The following DPP10 variants were observed in gnomAD, a reference collection of about 807,000 sequenced individuals.
DPP10 encodes the protein dipeptidyl peptidase like 10, also known as inactive dipeptidyl peptidase 10.
DPP10 carries 33 observed loss-of-function variants against 120.9 expected under a neutral mutation model. The ratio of observed to expected loss-of-function variants is 0.27; its 90% confidence interval spans 0.21 to 0.37. The LOEUF (loss-of-function observed/expected upper bound fraction) is 0.37, where lower values mean the gene tolerates loss of function less well. Ranked by LOEUF, DPP10 falls within the 10% of genes least tolerant of loss-of-function variation. DPP10 has a pLI of 1.00. For missense variants in DPP10, 816 were observed against 942.8 expected (o/e 0.87, Z 1.76); for synonymous variants, 337 against 326.1 (o/e 1.03, Z -0.36).
intron 4 of DPP10, among the ~76,000 whole-genome samples, chr2:115,524,174 A>C (rs1370749910): frequency 6.6e-6 from 1 of 152,108 alleles, no homozygotes; most frequent in Non-Finnish European, 1.5e-5. Context: ...ATTAGCGTAC[A>C]CCCACAGTTA....
chr2:114,678,794 A>G (rs1698831192), intron 1 of DPP10, among the ~76,000 whole-genome samples: 1 of 152,092 alleles, frequency 6.6e-6, no homozygotes, highest in African/African-American at 2.4e-5. Context: ...ACAATATTAA[A>G]ATGGCAATTA....
intron 3 of DPP10, among the ~76,000 whole-genome samples, chr2:115,455,130 A>G (rs1437809148): frequency 1.3e-5 from 2 of 151,812 alleles, no homozygotes; most frequent in Non-Finnish European, 2.9e-5. Flanking sequence ...TGTGTTAAAA[A>G]CTACAAAATG....
At chr2:115,835,560 T>G (rs1000116767) in intron 21 of DPP10, among the ~76,000 whole-genome samples, 1 of 152,150 alleles carries the variant, frequency 6.6e-6, no homozygotes, top group African/African-American at 2.4e-5. Flanking sequence ...ATTCTTCCTG[T>G]GTCTGCAGTT....
At chr2:115,709,345 G>T (rs923525880) in intron 7 of DPP10, among the ~76,000 whole-genome samples, 3 of 152,058 alleles carry the variant, frequency 2.0e-5, no homozygotes, top group African/African-American at 7.2e-5. Context: ...CTAGTGGTGT[G>T]CACGTACTCA....
chr2:115,226,160 G>C (rs189063809), intron 1 of DPP10, among the ~76,000 whole-genome samples: 1 of 152,264 alleles, frequency 6.6e-6, no homozygotes, highest in Admixed American at 6.5e-5. Context: ...TTGTTGTCAT[G>C]ATGATATGTC....
intron 1 of DPP10, among the ~76,000 whole-genome samples, chr2:114,931,741 C>A (rs1388014047): frequency 6.6e-6 from 1 of 152,094 alleles, no homozygotes; most frequent in African/African-American, 2.4e-5. Flanking sequence ...TGTCCTTTGA[C>A]AGTAAGTTAA....
Position 114,508,564 on chromosome 2 carries a change from T to G in DPP10, c.60+65726T>G, listed in dbSNP as rs187102850. ...TGCTATAAACACTTGATTGCAAGCT[T>G]TCGTGTGAACTTACTCTCCTTACAG... is the stretch of plus-strand genomic sequence containing the variant. On this transcript the variant is annotated intron_variant, in intron 1 of 25. Coordinates refer to ENST00000410059, the MANE Select transcript of DPP10 (RefSeq NM_020868.6). Among the ~76,000 whole-genome samples, 8 of 152,330 alleles carry G rather than the reference T, an allele frequency of 5.3e-5. No homozygotes were observed. The East Asian group carries it at 1.5e-3, about 29-fold the overall frequency.
At chr2:115,189,064 A>T (rs2054671983) in intron 1 of DPP10, among the ~76,000 whole-genome samples, 1 of 152,108 alleles carries the variant, frequency 6.6e-6, no homozygotes, top group East Asian at 1.9e-4. Context: ...TTTATGATGG[A>T]ATTGTTATAA....
chr2:114,629,621 CA>C (rs1033508000), intron 1 of DPP10, among the ~76,000 whole-genome samples: 3 of 151,962 alleles, frequency 2.0e-5, no homozygotes, highest in Non-Finnish European at 2.9e-5. Flanking sequence ...GGCAAAAGGG[CA>C]AAAATGATGC....
intron 1 of DPP10, among the ~76,000 whole-genome samples, chr2:114,640,656 G>A (rs975240048): frequency 3.3e-5 from 5 of 151,896 alleles, no homozygotes; most frequent in South Asian, 2.1e-4. Flanking sequence ...GCTGTTCCTC[G>A]ACATCATGGA....
chr2:115,711,265 C>T (rs766958597), intron 7 of DPP10, among the ~76,000 whole-genome samples: 3 of 151,688 alleles, frequency 2.0e-5, no homozygotes, highest in Non-Finnish European at 4.4e-5. Flanking sequence ...AGAGACCTTA[C>T]AAAAGAAAAA....
chr2:115,345,356 TAAAA>T (rs1284599132), intron 3 of DPP10, among the ~76,000 whole-genome samples: 1 of 152,136 alleles, frequency 6.6e-6, no homozygotes, highest in Non-Finnish European at 1.5e-5. Flanking sequence ...AGAAGGCTAA[TAAAA>T]AAGATATATT....
intron 3 of DPP10, among the ~76,000 whole-genome samples, chr2:115,389,656 C>A (rs1232469411): frequency 6.6e-6 from 1 of 152,066 alleles, no homozygotes; most frequent in Non-Finnish European, 1.5e-5. Flanking sequence ...TAGAGTAATG[C>A]CCATGAATTA....
intron 1 of DPP10, among the ~76,000 whole-genome samples, chr2:114,606,339 C>A (rs952072720): frequency 6.6e-6 from 1 of 152,074 alleles, no homozygotes; most frequent in Non-Finnish European, 1.5e-5. Context: ...GAAGATCTTT[C>A]CAGCCCTTTC....
At chr2:115,197,890 C>T (rs1174333092) in intron 1 of DPP10, among the ~76,000 whole-genome samples, 1 of 152,100 alleles carries the variant, frequency 6.6e-6, no homozygotes, top group African/African-American at 2.4e-5. Flanking sequence ...AATCTTATTA[C>T]CAACTTTTGT....
At chr2:115,177,174 G>C (rs1017265374) in intron 1 of DPP10, among the ~76,000 whole-genome samples, 2 of 152,126 alleles carry the variant, frequency 1.3e-5, no homozygotes, top group African/African-American at 4.8e-5. Flanking sequence ...TGAAGAACTG[G>C]TGAGCACTGT....
chr2:115,525,562 A>G (rs1390651612), intron 4 of DPP10, among the ~76,000 whole-genome samples: 3 of 152,098 alleles, frequency 2.0e-5, no homozygotes, highest in African/African-American at 7.2e-5. Flanking sequence ...TGATTAATCT[A>G]GCATGCAAAT....
intron 5 of DPP10, among the ~76,000 whole-genome samples, chr2:115,608,159 G>A (rs1261936379): frequency 5.9e-5 from 9 of 152,050 alleles, no homozygotes; most frequent in Non-Finnish European, 1.0e-4. Context: ...AGGCAGAGGC[G>A]GGCAGATCAC....
At chr2:114,875,985 T>C (rs950836598) in intron 1 of DPP10, among the ~76,000 whole-genome samples, 2 of 152,122 alleles carry the variant, frequency 1.3e-5, no homozygotes, top group Non-Finnish European at 2.9e-5. Flanking sequence ...TTTTATAGAG[T>C]GGAATGCCTT....
Sources: gnomAD v4.1 joint callset for allele counts (sites outside exome capture counted in the v4.1 genomes callset) on GRCh38, gnomAD v4.1.1 for gene constraint, MANE v1.5 for transcripts, NCBI Gene and HGNC (gene_info 2026-07-23, HGNC 2026-07-21) for gene names.